The following TRDN variants were observed in gnomAD, a reference collection of about 807,000 sequenced individuals.
TRDN encodes triadin, also known as triadin in skeletal muscle.
A neutral mutation model predicts 149.7 loss-of-function variants in TRDN; 161 were observed. The observed-to-expected ratio is 1.08, with a 90% CI of 0.95 to 1.23. TRDN has a LOEUF of 1.23. TRDN is among the 50% of genes most tolerant of loss of function. The pLI, the probability that TRDN is intolerant of heterozygous loss-of-function variation, is 0.00. For synonymous variants in TRDN, 294 were observed against 250.5 expected (o/e 1.17, Z -1.64); for missense variants, 896 against 823.5 (o/e 1.09, Z -1.08).
chr6:123,510,558 T>C (rs1194698551), intron 7 of TRDN, among the ~76,000 whole-genome samples: 1 of 151,954 alleles, frequency 6.6e-6, no homozygotes, highest in Non-Finnish European at 1.5e-5. Context: ...GATATACTAA[T>C]AAATATATTT....
At chr6:123,526,262 TGATGGGAAGAGAAC>T in intron 5 of TRDN, among the ~76,000 whole-genome samples, 1 of 151,956 alleles carries the variant, frequency 6.6e-6, no homozygotes, top group African/African-American at 2.4e-5. Context: ...GCACACAGAC[TGATGGGAAGAGAAC>T]AGAGATGGTA....
At chr6:123,479,431 G>C (rs941225808) in intron 9 of TRDN, among the ~76,000 whole-genome samples, 1 of 152,114 alleles carries the variant, frequency 6.6e-6, no homozygotes, top group East Asian at 1.9e-4. Flanking sequence ...AATATATTCT[G>C]AATATCTATA....
rs1302051422 is a variant in TRDN at position 123,255,874 on chromosome 6, T to G, written c.1899A>C (p.Glu633Asp). 1 of 1,355,640 alleles carries G rather than the reference T, an allele frequency of 7.4e-7. No homozygotes were observed. The allele number at this position is 1,355,640 out of a possible 1,614,324, so 84.0% of individuals were successfully genotyped here. A position where few individuals can be genotyped will look rare whatever the true frequency, so the allele number is the denominator to read the frequency against. Residue 633 changes from glutamate to aspartate, a missense_variant, in exon 36 of 41, where the codon GAA becomes GAC. Coordinates refer to ENST00000334268, the MANE Select transcript of TRDN (RefSeq NM_006073.4). The stretch of plus-strand genomic sequence containing the variant: ...ATTCTTTTAAAAAATTACCTTTTTC[T>G]TCTCTAAGATGCTTCATGTCTGCTT... ...KEKADMKHLR[E>D]EKVSTRKESL...
intron 21 of TRDN, among the ~76,000 whole-genome samples, chr6:123,344,217 T>C (rs1780170223): frequency 6.6e-6 from 1 of 152,062 alleles, no homozygotes; most frequent in East Asian, 1.9e-4. Flanking sequence ...TCCATCACTA[T>C]CAGTATCCCT....
At chr6:123,555,847 G>A (rs903284177) in intron 2 of TRDN, among the ~76,000 whole-genome samples, 1 of 152,120 alleles carries the variant, frequency 6.6e-6, no homozygotes, top group African/African-American at 2.4e-5. Context: ...AAATGCAGAG[G>A]TGGAGGCCAA....
At chr6:123,392,279 A>T (rs1375645622) in intron 13 of TRDN, among the ~76,000 whole-genome samples, 1 of 152,098 alleles carries the variant, frequency 6.6e-6, no homozygotes, top group Non-Finnish European at 1.5e-5. Context: ...TCAAGCTCAA[A>T]TATGAATCAA....
intron 32 of TRDN, among the ~76,000 whole-genome samples, chr6:123,267,299 G>C (rs1777046323): frequency 6.6e-6 from 1 of 151,836 alleles, no homozygotes; most frequent in Non-Finnish European, 1.5e-5. Context: ...CTTTTAGAAT[G>C]GGGTAACTTC....
chr6:123,359,447 G>A (rs777755853), intron 20 of TRDN, among the ~76,000 whole-genome samples: 3 of 152,094 alleles, frequency 2.0e-5, no homozygotes, highest in Non-Finnish European at 2.9e-5. Flanking sequence ...CAGTTTTGTG[G>A]TCTTACTAAA....
chr6:123,233,439 T>C (rs1162771183), intron 38 of TRDN, among the ~76,000 whole-genome samples: 1 of 151,796 alleles, frequency 6.6e-6, no homozygotes, highest in Non-Finnish European at 1.5e-5. Flanking sequence ...AAGCCAGGAG[T>C]GTTCAATGAA....
At chr6:123,460,479 A>C (rs1280059286) in intron 10 of TRDN, among the ~76,000 whole-genome samples, 1 of 152,098 alleles carries the variant, frequency 6.6e-6, no homozygotes, top group Non-Finnish European at 1.5e-5. Flanking sequence ...ATTTTATCAT[A>C]ATTTGTAACT....
chr6:123,333,153 T>G (rs1779721800), intron 22 of TRDN, among the ~76,000 whole-genome samples: 1 of 152,066 alleles, frequency 6.6e-6, no homozygotes, highest in Non-Finnish European at 1.5e-5. Flanking sequence ...TTACTGCTCT[T>G]GCACTTCCTG....
At chr6:123,557,631 G>A (rs768167169) in intron 2 of TRDN, among the ~76,000 whole-genome samples, 9 of 152,018 alleles carry the variant, frequency 5.9e-5, no homozygotes, top group East Asian at 1.9e-4. Flanking sequence ...GTTTAATCAC[G>A]CGGGGACAAC....
chr6:123,362,113 C>G (rs373233074), intron 20 of TRDN, among the ~76,000 whole-genome samples: 4 of 152,056 alleles, frequency 2.6e-5, no homozygotes, highest in Non-Finnish European at 2.9e-5. Context: ...GTCTGAAGAA[C>G]GCTATTGTCA....
At chr6:123,316,322 C>T (rs1779019040) in intron 24 of TRDN, 135 bp downstream of exon 24, 3 of 807,434 alleles carry the variant, frequency 3.7e-6, no homozygotes, top group Non-Finnish European at 6.1e-6. Context: ...ATATATGGCA[C>T]ATAGCATCAG....
At chr6:123,438,459 G>A (rs1014174037) in intron 11 of TRDN, among the ~76,000 whole-genome samples, 1 of 152,004 alleles carries the variant, frequency 6.6e-6, no homozygotes, top group Non-Finnish European at 1.5e-5. Flanking sequence ...TCTGAGCTAT[G>A]AGGTCACCAG....
chr6:123,585,124 C>A (rs988828854), intron 1 of TRDN, among the ~76,000 whole-genome samples: 3 of 143,816 alleles, frequency 2.1e-5, no homozygotes, highest in South Asian at 2.3e-4. Flanking sequence ...GTAGAGGTAT[C>A]TTATACTTGT....
intron 8 of TRDN, among the ~76,000 whole-genome samples, chr6:123,499,254 A>G (rs1459070580): frequency 6.6e-6 from 1 of 152,190 alleles, no homozygotes; most frequent in African/African-American, 2.4e-5. Flanking sequence ...TTGTGATGGG[A>G]TAGTTATATA....
chr6:123,308,152 G>T (rs887350436), intron 24 of TRDN, among the ~76,000 whole-genome samples: 1 of 151,958 alleles, frequency 6.6e-6, no homozygotes, highest in African/African-American at 2.4e-5. Context: ...TTAGGATAAC[G>T]ACTTCCAGCT....
At chr6:123,349,743 A>G (rs1582902676) in intron 21 of TRDN, 1 of 983,414 alleles carries the variant, frequency 1.0e-6, no homozygotes, top group African/African-American at 1.7e-5. Context: ...TATTATTAGC[A>G]TTCACTTGAA....
Sources: gnomAD v4.1 joint callset for allele counts (sites outside exome capture counted in the v4.1 genomes callset) on GRCh38, gnomAD v4.1.1 for gene constraint, MANE v1.5 for transcripts, NCBI Gene and HGNC (gene_info 2026-07-23, HGNC 2026-07-21) for gene names.